TDRD3: variants seen among roughly 807,000 people sequenced by gnomAD.
The protein encoded by TDRD3 is tudor domain-containing protein 3.
In TDRD3, 45 loss-of-function variants were observed where a neutral mutation model predicts 86.7. That is an observed-to-expected ratio of 0.52 (90% CI 0.41 to 0.67). The LOEUF is 0.67. TDRD3 is among the 30% of genes least tolerant of loss of function. The probability of loss-of-function intolerance (pLI) is 0.00; values close to 1 mark genes in which losing one functional copy is unlikely to be tolerated. For synonymous variants in TDRD3, 298 were observed against 301.7 expected (o/e 0.99, Z 0.13); for missense variants, 814 against 889.0 (o/e 0.92, Z 1.07).
At chr13:60,524,834 C>A (rs962252834) in intron 10 of TDRD3, among the ~76,000 whole-genome samples, 1 of 151,736 alleles carries the variant, frequency 6.6e-6, no homozygotes, top group Non-Finnish European at 1.5e-5. Flanking sequence ...CGCAGTGGCT[C>A]ACACCTGTAA....
intron 5 of TDRD3, among the ~76,000 whole-genome samples, chr13:60,473,671 G>A (rs1472874050): frequency 2.6e-5 from 4 of 152,116 alleles, no homozygotes; most frequent in African/African-American, 9.7e-5. Flanking sequence ...GGAAAAACCA[G>A]GCCATACAGA....
chr13:60,444,540 T>C, intron 2 of TDRD3, 143 bp from the exon 3 acceptor site: 1 of 477,520 alleles, frequency 2.1e-6, no homozygotes, highest in Non-Finnish European at 3.7e-6. Context: ...CTTGAAAGAT[T>C]GATAATACAT....
chr13:60,487,441 G>A (rs1025331702), intron 7 of TDRD3, among the ~76,000 whole-genome samples: 1 of 151,862 alleles, frequency 6.6e-6, no homozygotes, highest in Non-Finnish European at 1.5e-5. Flanking sequence ...GCACCATTGC[G>A]CTCCAGCCTG....
intron 12 of TDRD3, among the ~76,000 whole-genome samples, chr13:60,551,553 C>T (rs531043829): frequency 1.3e-5 from 2 of 152,278 alleles, no homozygotes; most frequent in South Asian, 4.1e-4. Context: ...CAAATTACCT[C>T]TCTAGGAAGT....
intron 1 of TDRD3, among the ~76,000 whole-genome samples, chr13:60,404,455 C>T (rs1164528627): frequency 2.2e-4 from 32 of 148,758 alleles, no homozygotes; most frequent in Non-Finnish European, 4.3e-4. Context: ...GGACTACAGG[C>T]GCCCGCCACT....
intron 12 of TDRD3, among the ~76,000 whole-genome samples, chr13:60,546,486 A>T (rs1240344656): frequency 6.6e-6 from 1 of 152,146 alleles, no homozygotes; most frequent in African/African-American, 2.4e-5. Context: ...AATTTTAGGC[A>T]TAATTTAGAA....
At chr13:60,529,351 T>A (rs1482982751) in intron 11 of TDRD3, 134 bp downstream of exon 11, 2 of 925,428 alleles carry the variant, frequency 2.2e-6, no homozygotes, top group African/African-American at 3.4e-5. Context: ...TTGAACAGAT[T>A]TATAGATATA....
intron 1 of TDRD3, among the ~76,000 whole-genome samples, chr13:60,407,584 A>G (rs977576034): frequency 1.3e-5 from 2 of 152,324 alleles, no homozygotes; most frequent in African/African-American, 4.8e-5. Flanking sequence ...AATACACTTA[A>G]AGGTATATGT....
At chr13:60,524,456 G>A (rs920653621) in intron 10 of TDRD3, among the ~76,000 whole-genome samples, 19 of 150,778 alleles carry the variant, frequency 1.3e-4, no homozygotes, top group African/African-American at 4.4e-4. Flanking sequence ...GCACTGAGCC[G>A]AGACTGCACC....
chr13:60,509,580 C>T, intron 8 of TDRD3, 183 bp from the exon 9 acceptor site: 1 of 705,520 alleles, frequency 1.4e-6, no homozygotes, highest in South Asian at 1.8e-5. Context: ...AGGCACAACC[C>T]CACATATCAT....
chr13:60,420,243 T>C (rs1418763043), intron 1 of TDRD3, among the ~76,000 whole-genome samples: 2 of 152,010 alleles, frequency 1.3e-5, no homozygotes, highest in East Asian at 1.9e-4. Context: ...TTTGTAGGAG[T>C]TGATTATATG....
intron 12 of TDRD3, among the ~76,000 whole-genome samples, chr13:60,538,815 T>C (rs527446602): frequency 3.0e-4 from 45 of 152,252 alleles, no homozygotes; most frequent in African/African-American, 1.1e-3. Context: ...AGGCAAACTT[T>C]TTGTGTTGTT....
chr13:60,435,673 G>A (rs1035411992), intron 1 of TDRD3, among the ~76,000 whole-genome samples: 7 of 152,138 alleles, frequency 4.6e-5, no homozygotes, highest in African/African-American at 1.4e-4. Flanking sequence ...CTCTTTGGTC[G>A]ATGGACACTT....
chr13:60,408,249 T>A (rs968921262), intron 1 of TDRD3, among the ~76,000 whole-genome samples: 3 of 152,228 alleles, frequency 2.0e-5, no homozygotes, highest in African/African-American at 7.2e-5. Context: ...TAAGTCCAAT[T>A]AAACCTCTTT....
chr13:60,454,989 C>T (rs966770266), intron 3 of TDRD3, among the ~76,000 whole-genome samples: 1 of 152,138 alleles, frequency 6.6e-6, no homozygotes, highest in Non-Finnish European at 1.5e-5. Flanking sequence ...TCTCGGCTCA[C>T]TGCAACCTCT....
At chr13:60,511,858 C>T (rs1009452749) in intron 10 of TDRD3, among the ~76,000 whole-genome samples, 1 of 152,144 alleles carries the variant, frequency 6.6e-6, no homozygotes, top group African/African-American at 2.4e-5. Context: ...ATTGTTTGCT[C>T]TGCAAAGCCA....
chr13:60,470,731 C>T (rs994748089), intron 5 of TDRD3, among the ~76,000 whole-genome samples: 2 of 151,604 alleles, frequency 1.3e-5, no homozygotes, highest in Non-Finnish European at 2.9e-5. Flanking sequence ...TACAGGTGTG[C>T]ACCACCATGC....
At chr13:60,518,687 G>C (rs768079147) in intron 10 of TDRD3, among the ~76,000 whole-genome samples, 1 of 152,052 alleles carries the variant, frequency 6.6e-6, no homozygotes, top group Non-Finnish European at 1.5e-5. Context: ...CATCTTTTAT[G>C]AACCTTAAAT....
chr13:60,522,520 G>A (rs1390285305), intron 10 of TDRD3, among the ~76,000 whole-genome samples: 1 of 152,152 alleles, frequency 6.6e-6, no homozygotes, highest in Non-Finnish European at 1.5e-5. Context: ...TCCGAGGTAT[G>A]CTCTATTATT....
Sources: gnomAD v4.1 joint callset for allele counts (sites outside exome capture counted in the v4.1 genomes callset) on GRCh38, gnomAD v4.1.1 for gene constraint, MANE v1.5 for transcripts, NCBI Gene and HGNC (gene_info 2026-07-23, HGNC 2026-07-21) for gene names.